The following MYLK variants were observed in gnomAD, a reference collection of about 807,000 sequenced individuals.
MYLK encodes the protein myosin light chain kinase, smooth muscle.
A neutral mutation model predicts 203.4 loss-of-function variants in MYLK; 106 were observed. The ratio of observed to expected loss-of-function variants is 0.52; its 90% CI spans 0.45 to 0.61. The LOEUF (loss-of-function observed/expected upper bound fraction) is 0.61, where lower values mean the gene tolerates loss of function less well. Ranked by LOEUF, MYLK falls within the 20% of genes least tolerant of loss-of-function variation. The probability of loss-of-function intolerance (pLI) is 0.00; values close to 1 mark genes in which losing one functional copy is unlikely to be tolerated. For synonymous variants in MYLK, 867 were observed against 959.5 expected, an observed-to-expected ratio of 0.90 and a Z score of 1.78; for missense variants, 2,072 against 2,442.3, an observed-to-expected ratio of 0.85 and a Z score of 3.20.
Position 123,708,699 on chromosome 3 carries a change from T to G in MYLK, c.2139A>C (p.Gln713His). 6.2e-7 allele frequency: 1 copy of G among 1,614,052 alleles called. No homozygotes were observed. Among genetic ancestry groups the G allele is most frequent in the Non-Finnish European group, 8.5e-7 (1 of 1,180,030 alleles). The stretch of plus-strand genomic sequence containing the variant: ...TCGCTCTGAGTGGGTCAGCCTCACC[T>G]TGTACCGTGAGCACGGCCTGGGTGC... The part of the protein sequence containing the change: ...EVRTQAVLTV[Q>H]EPHDGTQPWF... Residue 713 changes from glutamine to histidine, a missense_variant and splice_region_variant, in exon 15 of 34, where the codon CAA (glutamine) becomes CAC (histidine). Coordinates refer to ENST00000360304, the MANE Select transcript of MYLK (RefSeq NM_053025.4).
intron 2 of MYLK, among the ~76,000 whole-genome samples, chr3:123,843,863 T>C (rs1359986882): frequency 1.3e-5 from 2 of 152,196 alleles, no homozygotes; most frequent in Non-Finnish European, 2.9e-5. Flanking sequence ...ACTGTCACTA[T>C]GGCAACAAGG....
chr3:123,723,940 C>T (rs1313148282), intron 12 of MYLK, among the ~76,000 whole-genome samples: 2 of 151,680 alleles, frequency 1.3e-5, no homozygotes, highest in Non-Finnish European at 2.9e-5. Flanking sequence ...ATTAATATAT[C>T]TCATGATATG....
chr3:123,879,492 G>C (rs2033379653), intron 1 of MYLK, among the ~76,000 whole-genome samples: 2 of 152,050 alleles, frequency 1.3e-5, no homozygotes, highest in African/African-American at 2.4e-5. Context: ...TCTAGCCCCT[G>C]AATTTCTTGT....
At chr3:123,689,739 G>A (rs187958729) in intron 19 of MYLK, 12 of 152,340 alleles carry the variant, frequency 7.9e-5, no homozygotes, top group East Asian at 7.7e-4. Context: ...GCAAGTCCAC[G>A]TTTACTCTAG....
chr3:123,706,913 G>A (rs1490909588), intron 16 of MYLK, among the ~76,000 whole-genome samples: 1 of 152,176 alleles, frequency 6.6e-6, no homozygotes, highest in Non-Finnish European at 1.5e-5. Context: ...TAAAATGTCT[G>A]CAAATTCTTC....
Position 123,611,770 on chromosome 3 carries a change from AG to A in MYLK, c.*2334del. ...TTCCTGCAACTAGACTGTCCCATCT[AG>A]GGGTGATGGGAGACAGTGACAGATC... is the stretch of plus-strand genomic sequence containing the variant. On this transcript the variant is annotated 3_prime_UTR_variant, in exon 34 of 34. Transcript: ENST00000360304. The A allele has an allele frequency of 6.2e-6, 1 of 162,396 alleles. No individual in the cohort carries two copies. The allele number at this position is 162,396 out of a possible 1,614,324, so 10.1% of individuals were successfully genotyped here.
chr3:123,658,324 C>A (rs1349146028), intron 23 of MYLK, among the ~76,000 whole-genome samples: 2 of 152,222 alleles, frequency 1.3e-5, no homozygotes, highest in Admixed American at 6.5e-5. Context: ...CCTTCTCATT[C>A]AGATGACCTG....
Position 123,701,374 on chromosome 3 carries a change from C to A in MYLK, c.2462+64G>T. ...TCTAGGGCTGCTGGGCTGGAGCTGC[C>A]GGGGCCAGGAGGAAGGTGGGGATGG... On this transcript the variant is annotated intron_variant, in intron 17 of 33. Transcript: ENST00000360304. The A allele has an allele frequency of 3.2e-6, 5 of 1,543,518 alleles. No individual in the cohort carries two copies. In the Admixed American group the frequency reaches 6.7e-5, roughly 21 times the overall value.
chr3:123,839,745 C>G (rs554350865), intron 2 of MYLK, among the ~76,000 whole-genome samples: 1 of 152,282 alleles, frequency 6.6e-6, no homozygotes, highest in Admixed American at 6.5e-5. Context: ...GCAAAATATA[C>G]ATTGTTTTCA....
At chr3:123,848,377 T>A (rs552436810) in intron 2 of MYLK, among the ~76,000 whole-genome samples, 149 of 152,228 alleles carry the variant, frequency 9.8e-4, no homozygotes, top group Non-Finnish European at 1.7e-3. Context: ...TCTTTAGGAT[T>A]TTTTTTCTAG....
At chr3:123,815,088 T>C (rs904707832) in intron 3 of MYLK, among the ~76,000 whole-genome samples, 1 of 152,172 alleles carries the variant, frequency 6.6e-6, no homozygotes, top group Admixed American at 6.5e-5. Flanking sequence ...CCACCACACC[T>C]GGCCCCTTTA....
chr3:123,861,374 C>T (rs919435900), intron 2 of MYLK, among the ~76,000 whole-genome samples: 3 of 152,216 alleles, frequency 2.0e-5, no homozygotes, highest in Admixed American at 1.3e-4. Context: ...TCAGATCCCT[C>T]ATCTTAAATA....
At chr3:123,771,768 G>A (rs1329116232) in intron 4 of MYLK, among the ~76,000 whole-genome samples, 7 of 152,130 alleles carry the variant, frequency 4.6e-5, no homozygotes, top group Non-Finnish European at 7.4e-5. Flanking sequence ...AACATGCTCA[G>A]AACACTTACA....
chr3:123,683,713 C>T (rs1356580356), intron 19 of MYLK, among the ~76,000 whole-genome samples: 4 of 152,110 alleles, frequency 2.6e-5, no homozygotes, highest in Admixed American at 6.5e-5. Context: ...GACAGGCCTC[C>T]GGGGGCTGTG....
chr3:123,787,277 A>G (rs2064567735), intron 4 of MYLK, among the ~76,000 whole-genome samples: 1 of 152,210 alleles, frequency 6.6e-6, no homozygotes, highest in Non-Finnish European at 1.5e-5. Flanking sequence ...AAGGAAGGGC[A>G]TTCTTGATAT....
intron 2 of MYLK, among the ~76,000 whole-genome samples, chr3:123,860,975 A>C (rs2031842255): frequency 6.6e-6 from 1 of 151,924 alleles, no homozygotes; most frequent in East Asian, 1.9e-4. Context: ...CTAAAAATAC[A>C]AAAAATTAGC....
chr3:123,772,322 C>T (rs1243425288), intron 4 of MYLK, among the ~76,000 whole-genome samples: 1 of 151,958 alleles, frequency 6.6e-6, no homozygotes, highest in African/African-American at 2.4e-5. Flanking sequence ...AAACTCTATA[C>T]ATAAGACTTT....
At chr3:123,696,733 C>T (rs1206932984) in intron 18 of MYLK, among the ~76,000 whole-genome samples, 8 of 149,236 alleles carry the variant, frequency 5.4e-5, no homozygotes, top group African/African-American at 1.9e-4. Flanking sequence ...ATCTTCCTCT[C>T]GACCTCTTCA....
At chr3:123,777,652 T>C (rs1440662730) in intron 4 of MYLK, among the ~76,000 whole-genome samples, 1 of 152,226 alleles carries the variant, frequency 6.6e-6, no homozygotes, top group Non-Finnish European at 1.5e-5. Flanking sequence ...CTGAGCCAGC[T>C]TGGGAACTGG....
Sources: allele counts gnomAD v4.1 joint callset (sites outside exome capture counted in the v4.1 genomes callset), GRCh38; gene constraint gnomAD v4.1.1; transcripts MANE v1.5; gene names NCBI Gene and HGNC (gene_info 2026-07-23, HGNC 2026-07-21).